Variants in FPGS observed in about 807,000 individuals in gnomAD.
The protein encoded by FPGS is folylpolyglutamate synthase, also known as folylpolyglutamate synthase, mitochondrial.
A neutral mutation model predicts 66.5 loss-of-function variants in FPGS; 53 were observed. The observed-to-expected ratio is 0.80, with a 90% CI of 0.64 to 1.00. The LOEUF is 1.00. FPGS is among the 50% of genes least tolerant of loss of function. The probability of loss-of-function intolerance (pLI) is 0.00; values close to 1 mark genes in which losing one functional copy is unlikely to be tolerated. For synonymous variants in FPGS, 348 were observed against 350.9 expected, an observed-to-expected ratio of 0.99 and a Z score of 0.09; for missense variants, 702 against 807.7, an observed-to-expected ratio of 0.87 and a Z score of 1.59.
At position 127,810,945 on chromosome 9, in the gene FPGS, C is replaced by T. The variant is rs1294712715; in HGVS notation, c.1288C>T (p.Pro430Ser). ...DPAALLKLLQPCQFDYAVFCP... is the reference protein window; with the variant it reads ...DPAALLKLLQSCQFDYAVFCP... The stretch of plus-strand genomic sequence containing the variant: ...CCAAGTCTTTCCCTTGGCCTTCTAG[C>T]CCTGCCAGTTTGACTATGCCGTCTT... Residue 430 changes from proline (P) to serine (S), a missense_variant and splice_region_variant, in exon 14 of 15, where the codon CCC becomes TCC. Physicochemically the swap from Pro to Ser is moderately conservative, Grantham distance 74. Around this residue, in one of 3 missense-constraint regions of FPGS, gnomAD observed 351 missense variants for 363.7 expected, o/e 0.97. Transcript: ENST00000373247. The T allele has an allele frequency of 2.5e-6, 4 of 1,572,134 alleles. No individual in the cohort carries two copies. The highest frequency in any genetic ancestry group is 3.5e-6 in the Non-Finnish European group (4 of 1,152,806).
chr9:127,802,922 A>G lies in FPGS; in HGVS notation c.-3A>G. ...CTAGAGCGCTGCCGGGGGCGCCGGG[A>G]CTATGTCGCGGGCGCGGAGCCACCT... On this transcript the variant is annotated 5_prime_UTR_variant, in exon 1 of 15. Coordinates refer to ENST00000373247, the MANE Select transcript of FPGS (RefSeq NM_004957.6). The G allele has an allele frequency of 2.2e-6, 3 of 1,380,424 alleles. No homozygotes were observed. The highest frequency in any genetic ancestry group is 1.6e-5 in the South Asian group (1 of 62,334). The allele number at this position is 1,380,424 out of a possible 1,614,324, so 85.5% of individuals were successfully genotyped here.
chr9:127,810,058 C>T lies in FPGS; in HGVS notation c.1239C>T (p.Phe413=), dbSNP rs1830005099. The change falls in exon 13 of 15, where the codon TTC becomes TTT. Residue 413 remains phenylalanine, a synonymous_variant. Coordinates refer to ENST00000373247, the MANE Select transcript of FPGS (RefSeq NM_004957.6). ...SGGPEVRVLL[F]NATGDRDPAA... ...GCCCCGAGGTTCGAGTCTTGCTCTTCAATGCTACCGGGGACCGGGACCCGG... is the reference window on the plus strand; with the variant it reads ...GCCCCGAGGTTCGAGTCTTGCTCTTTAATGCTACCGGGGACCGGGACCCGG... 3 of 1,611,638 alleles carry T rather than the reference C, an allele frequency of 1.9e-6. No homozygotes were observed. The highest frequency in any genetic ancestry group is 1.1e-5 in the South Asian group (1 of 90,962).
chr9:127,808,483 G>A (rs1829913334), intron 9 of FPGS, 75 bp from the exon 10 acceptor site: 1 of 1,584,804 alleles, frequency 6.3e-7, no homozygotes, highest in African/African-American at 1.3e-5. Context: ...TTGGTGGCTG[G>A]GGGAGGGGAG....
chr9:127,810,306 T>C (rs1221674965), intron 13 of FPGS, among the ~76,000 whole-genome samples, 200 bp downstream of exon 13: 1 of 152,106 alleles, frequency 6.6e-6, no homozygotes, highest in Non-Finnish European at 1.5e-5. Flanking sequence ...CCCGCGTGTC[T>C]AGACTCAAGT....
In FPGS at chr9:127,813,172, A is replaced by G. The variant is rs746069672; in HGVS notation, c.1355-23A>G. 2.0e-6 allele frequency: 3 copies of G among 1,537,522 alleles called. No homozygotes were observed. The South Asian group carries it at 3.8e-5, about 19-fold the overall frequency. On this transcript the variant is annotated intron_variant, in intron 14 of 14. Coordinates refer to ENST00000373247, the MANE Select transcript of FPGS (RefSeq NM_004957.6). ...CTTACTCCCTCTCCCCTTCGCTGAT[A>G]GGCCTTTCTCTGTGCCCCACAGACC...
At chr9:127,810,838 T>C in intron 13 of FPGS, 107 bp from the exon 14 acceptor site, 1 of 624,366 alleles carries the variant, frequency 1.6e-6, no homozygotes, top group Non-Finnish European at 2.9e-6. Context: ...ATCATTCTAG[T>C]TGTCAGGGAG....
chr9:127,809,355 C>A (rs1423618766), intron 11 of FPGS, among the ~76,000 whole-genome samples: 1 of 152,208 alleles, frequency 6.6e-6, no homozygotes, highest in Non-Finnish European at 1.5e-5. Flanking sequence ...GGTGGGCCCG[C>A]TGTGTGCCAC....
Position 127,813,770 on chromosome 9 carries a change from C to T in FPGS, c.*166C>T. 2 of 1,312,918 alleles carry T rather than the reference C, an allele frequency of 1.5e-6. No individual in the cohort carries two copies. The highest frequency in any genetic ancestry group is 1.9e-6 in the Non-Finnish European group (2 of 1,037,992). 81.3% of individuals were successfully genotyped at this position (1,312,918 alleles called of 1,614,324 possible). ...CCGGGAGAGGATGTCTTTTTTAAGGCTCTGTGCCTTGGTCTCTCCTTCCTC... is the reference window on the plus strand; with the variant it reads ...CCGGGAGAGGATGTCTTTTTTAAGGTTCTGTGCCTTGGTCTCTCCTTCCTC... On this transcript the variant is annotated 3_prime_UTR_variant, in exon 15 of 15. Coordinates refer to ENST00000373247, the MANE Select transcript of FPGS (RefSeq NM_004957.6).
intron 14 of FPGS, among the ~76,000 whole-genome samples, chr9:127,811,601 T>C (rs1241898236): frequency 2.0e-5 from 3 of 152,168 alleles, no homozygotes; most frequent in African/African-American, 4.8e-5. Context: ...TTCTCATGTC[T>C]CAGCCTCTGG....
intron 1 of FPGS, chr9:127,803,553 G>A (rs1829692101): frequency 7.3e-6 from 3 of 412,016 alleles, no homozygotes; most frequent in Non-Finnish European, 9.8e-6. Flanking sequence ...CCCAGAACCT[G>A]GAAAATAGAA....
chr9:127,809,140 T>C (rs1286154881), intron 11 of FPGS, among the ~76,000 whole-genome samples: 1 of 152,052 alleles, frequency 6.6e-6, no homozygotes, highest in Non-Finnish European at 1.5e-5. Flanking sequence ...GGGGATTCGC[T>C]GAGGTGACAT....
rs752638103 is a variant in FPGS, at chr9:127,813,857, G to C, written c.*253G>C. ...ACTGTTGCAGTGGCCTGGCCGTTCA[G>C]CCTGTCTCCCCCAACACCCCGCCTG... On this transcript the variant is annotated 3_prime_UTR_variant, in exon 15 of 15. Coordinates refer to ENST00000373247, the MANE Select transcript of FPGS (RefSeq NM_004957.6). 27 of 1,226,408 alleles carry C rather than the reference G, an allele frequency of 2.2e-5. No individual in the cohort carries two copies. The highest frequency in any genetic ancestry group is 2.7e-5 in the Non-Finnish European group (27 of 984,876). The allele number at this position is 1,226,408 out of a possible 1,614,324, so 76.0% of individuals were successfully genotyped here.
At position 127,804,486 on chromosome 9, in the gene FPGS, C is replaced by G. The variant is rs371100900; in HGVS notation, c.268-13C>G. ...CCCGTAGCTGAGGCAGGGACCTTGT[C>G]TGTCTGTCCCAGGTGGAGGACTTGG... On this transcript the variant is annotated splice_polypyrimidine_tract_variant and intron_variant, in intron 2 of 14. Coordinates refer to ENST00000373247, the MANE Select transcript of FPGS (RefSeq NM_004957.6). 6.2e-7 allele frequency: 1 copy of G among 1,614,036 alleles called. No individual in the cohort carries two copies. Among genetic ancestry groups the G allele is most frequent in the Admixed American group, 1.7e-5 (1 of 60,010 alleles).
At chr9:127,803,159 A>ATCGGGAGCCCTGGACTGGGGGAC (rs1420593845) in intron 1 of FPGS, 97 bp downstream of exon 1, 26 of 1,179,906 alleles carry the variant, frequency 2.2e-5, no homozygotes, top group Non-Finnish European at 2.5e-5. Context: ...CCGAGAGGGT[A>ATCGGGAGCCCTGGACTGGGGGAC]TCGGGAGCCC....
chr9:127,811,033 C>T (rs1230077913), intron 14 of FPGS, 22 bp downstream of exon 14: 2 of 1,520,264 alleles, frequency 1.3e-6, no homozygotes, highest in Non-Finnish European at 1.8e-6. Context: ...CAGGCATGGC[C>T]CCTGGGGATG....
chr9:127,803,683 T>C (rs186187253), intron 1 of FPGS, among the ~76,000 whole-genome samples: 183 of 152,040 alleles, frequency 1.2e-3, no homozygotes, highest in African/African-American at 4.4e-3. Context: ...GTCCTGAGGG[T>C]GGGAGGCACG....
At chr9:127,810,291 A>G (rs1204888721) in intron 13 of FPGS, among the ~76,000 whole-genome samples, 185 bp downstream of exon 13, 1 of 152,078 alleles carries the variant, frequency 6.6e-6, no homozygotes, top group Non-Finnish European at 1.5e-5. Flanking sequence ...GTCATTACTC[A>G]TATTCCCGCG....
Position 127,803,038 on chromosome 9 carries a change from G to T in FPGS, c.114G>T (p.Pro38=). The change falls in exon 1 of 15, where the codon CCG becomes CCT. Residue 38 remains proline, a synonymous_variant. Coordinates refer to ENST00000373247, the MANE Select transcript of FPGS (RefSeq NM_004957.6). The stretch of plus-strand genomic sequence containing the variant: ...GGGGCTTGAGCGCGTGGCCGGTGCC[G>T]CAGGAGCCGAGCATGGAGTACCAGG... ...ARRGLSAWPV[P]QEPSMEYQDA... 1 of 1,440,110 alleles carries T rather than the reference G, an allele frequency of 6.9e-7. No individual in the cohort carries two copies. The allele number at this position is 1,440,110 out of a possible 1,614,324, so 89.2% of individuals were successfully genotyped here. A position where few individuals can be genotyped will look rare whatever the true frequency, so the allele number is the denominator to read the frequency against.
At chr9:127,808,336 C>T (rs370916627) in intron 9 of FPGS, 25 bp downstream of exon 9, 33 of 1,599,560 alleles carry the variant, frequency 2.1e-5, no homozygotes, top group Non-Finnish European at 2.8e-5. Context: ...AATGGGGCAG[C>T]GGCAGGGTGG....
Sources: allele counts gnomAD v4.1 joint callset (sites outside exome capture counted in the v4.1 genomes callset), GRCh38; gene constraint gnomAD v4.1.1; regional missense constraint gnomAD v4.1.1; transcripts MANE v1.5; gene names NCBI Gene and HGNC (gene_info 2026-07-23, HGNC 2026-07-21).